The following PLCH1 variants were observed in gnomAD, a reference collection of about 807,000 sequenced individuals.
PLCH1 encodes the protein phospholipase C eta 1, also known as 1-phosphatidylinositol 4,5-bisphosphate phosphodiesterase eta-1.
In PLCH1, 60 loss-of-function variants were observed where a neutral mutation model predicts 126.7. The ratio of observed to expected loss-of-function variants is 0.47; its 90% CI spans 0.38 to 0.59. The LOEUF is 0.59. Among genes scored for constraint, PLCH1 ranks in the 20% least tolerant of loss-of-function variants. The probability of loss-of-function intolerance (pLI) is 0.00; values close to 1 mark genes in which losing one functional copy is unlikely to be tolerated. For synonymous variants in PLCH1, 719 were observed against 734.9 expected, an observed-to-expected ratio of 0.98 and a Z score of 0.35; for missense variants, 1,723 against 2,040.0, an observed-to-expected ratio of 0.84 and a Z score of 2.99.
chr3:155,669,743 A>G (rs1743207725), intron 2 of PLCH1, among the ~76,000 whole-genome samples: 1 of 152,190 alleles, frequency 6.6e-6, no homozygotes. Flanking sequence ...AAAAATACTC[A>G]TGGTGTGAGA....
chr3:155,625,749 G>T (rs1400966003), intron 2 of PLCH1, among the ~76,000 whole-genome samples: 1 of 152,206 alleles, frequency 6.6e-6, no homozygotes, highest in African/African-American at 2.4e-5. Context: ...GAGAGGATGT[G>T]GAGAAATAGG....
intron 10 of PLCH1, among the ~76,000 whole-genome samples, chr3:155,527,825 C>G (rs4679749): frequency 0.19 from 28,216 of 150,512 alleles, 3,237 homozygotes; most frequent in African/African-American, 0.33. Flanking sequence ...GAGGCTGAGG[C>G]AGGAGAATCG....
At chr3:155,614,941 A>G (rs1035964806) in intron 2 of PLCH1, among the ~76,000 whole-genome samples, 1 of 152,180 alleles carries the variant, frequency 6.6e-6, no homozygotes, top group African/African-American at 2.4e-5. Flanking sequence ...GATGGGACCT[A>G]ACTAAACTAA....
At chr3:155,653,110 T>C (rs1370066988) in intron 2 of PLCH1, among the ~76,000 whole-genome samples, 1 of 149,328 alleles carries the variant, frequency 6.7e-6, no homozygotes, top group Non-Finnish European at 1.5e-5. Flanking sequence ...GATACAGATA[T>C]AGATGTAGAT....
At chr3:155,660,462 T>C (rs924254106) in intron 2 of PLCH1, among the ~76,000 whole-genome samples, 6 of 152,228 alleles carry the variant, frequency 3.9e-5, no homozygotes, top group Admixed American at 6.5e-5. Context: ...TGGTGGTTAG[T>C]ATACCTTAGA....
chr3:155,481,343 C>T lies in PLCH1; in HGVS notation c.4683G>A (p.Gln1561=). 1 of 1,614,250 alleles carries T rather than the reference C, an allele frequency of 6.2e-7. No homozygotes were observed. The highest frequency in any genetic ancestry group is 1.3e-5 in the African/African-American group (1 of 75,066). The change falls in exon 23 of 23, where the codon CAG becomes CAA. Residue 1561 remains glutamine (Q), a synonymous_variant. Transcript: ENST00000460012. The surrounding 1 kb of genome is among the most constrained non-coding windows in gnomAD (Gnocchi z 4.2). ...QVLYSKQDAN[Q]LPRALVRKLS... ...ACTTCCTGACCAGTGCCCGGGGGAG[C>T]TGATTGGCATCCTGCTTTGAATATA...
chr3:155,739,544 G>C (rs1489194219), intron 1 of PLCH1, among the ~76,000 whole-genome samples: 1 of 152,198 alleles, frequency 6.6e-6, no homozygotes, highest in Non-Finnish European at 1.5e-5. Context: ...TCCATGTAGG[G>C]AATGCAGTTT....
At chr3:155,595,370 C>G (rs997377169) in intron 3 of PLCH1, among the ~76,000 whole-genome samples, 2 of 152,202 alleles carry the variant, frequency 1.3e-5, no homozygotes, top group Non-Finnish European at 2.9e-5. Flanking sequence ...TATTTATATA[C>G]ACCATCTACC....
intron 1 of PLCH1, among the ~76,000 whole-genome samples, chr3:155,723,749 T>A (rs996110315): frequency 1.5e-4 from 23 of 151,856 alleles, no homozygotes; most frequent in African/African-American, 5.3e-4. Context: ...AGGTCAGGAG[T>A]TTGAGACCAG....
intron 21 of PLCH1, among the ~76,000 whole-genome samples, chr3:155,474,439 G>A (rs1431356443): frequency 6.8e-6 from 1 of 147,588 alleles, no homozygotes; most frequent in Non-Finnish European, 1.5e-5. Flanking sequence ...AGGTGCTGGA[G>A]AGGATGTGGA....
chr3:155,482,967 G>T lies in PLCH1; in HGVS notation c.3059C>A (p.Ser1020Tyr). 6.2e-7 allele frequency: 1 copy of T among 1,613,930 alleles called. No homozygotes were observed. The highest frequency in any genetic ancestry group is 8.5e-7 in the Non-Finnish European group (1 of 1,179,794). Residue 1020 changes from serine to tyrosine, a missense_variant, in exon 23 of 23, where the codon TCC (serine) becomes TAC (tyrosine). By Grantham distance (144) the Ser-to-Tyr change is moderately radical (BLOSUM62 -2). Around this residue, in one of 2 missense-constraint regions of PLCH1, gnomAD observed 947 missense variants for 977.1 expected, o/e 0.97. Coordinates refer to ENST00000460012, the MANE Select transcript of PLCH1 (RefSeq NM_014996.4). ...FLNFNKKLSS[S>Y]SSALLHKDTS... ...ATCTTTGTGGAGCAGAGCACTGGAG[G>T]AGGATGATAACTTTTTGTTGAAATT...
At chr3:155,573,751 A>T (rs1037998735) in intron 6 of PLCH1, among the ~76,000 whole-genome samples, 2 of 152,252 alleles carry the variant, frequency 1.3e-5, no homozygotes, top group Non-Finnish European at 2.9e-5. Context: ...AGATTGAAGA[A>T]GCAGGAAAAT....
intron 2 of PLCH1, among the ~76,000 whole-genome samples, chr3:155,613,383 T>C (rs148073979): frequency 4.7e-4 from 72 of 152,000 alleles, no homozygotes; most frequent in African/African-American, 1.6e-3. Context: ...CTCTGAAGAA[T>C]ATAGATGCAA....
intron 10 of PLCH1, among the ~76,000 whole-genome samples, chr3:155,532,747 G>C (rs1722863325): frequency 6.6e-6 from 1 of 152,198 alleles, no homozygotes; most frequent in African/African-American, 2.4e-5. Context: ...CTGAGAAACT[G>C]TGAGTCAATT....
At chr3:155,594,306 C>T in intron 3 of PLCH1, 122 bp from the exon 4 acceptor site, 1 of 922,228 alleles carries the variant, frequency 1.1e-6, no homozygotes, top group Non-Finnish European at 1.6e-6. Flanking sequence ...GCTGGGTGCT[C>T]ACGCTTGTAA....
In PLCH1 at chr3:155,561,002, C is replaced by T. The variant is rs1442549425; in HGVS notation, c.1069+3913G>A. On this transcript the variant is annotated intron_variant, in intron 8 of 22. Coordinates refer to ENST00000460012, the MANE Select transcript of PLCH1 (RefSeq NM_014996.4). ...TATAAACCAAAAGGCATTATCTATG[C>T]CTTTACTGCTACTTTTAAATGATTG... Among the ~76,000 whole-genome samples, 6 of 152,190 alleles carry T rather than the reference C, an allele frequency of 3.9e-5. No individual in the cohort carries two copies. The East Asian group carries it at 1.2e-3, about 29-fold the overall frequency.
At chr3:155,636,375 A>G (rs1321075727) in intron 2 of PLCH1, among the ~76,000 whole-genome samples, 3 of 152,218 alleles carry the variant, frequency 2.0e-5, no homozygotes, top group Admixed American at 2.0e-4. Flanking sequence ...AGCAAATTTA[A>G]ATCAAGATAT....
At chr3:155,627,765 G>A (rs1488412058) in intron 2 of PLCH1, among the ~76,000 whole-genome samples, 3 of 126,788 alleles carry the variant, frequency 2.4e-5, no homozygotes, top group Non-Finnish European at 4.7e-5. Context: ...AAAAGTTATC[G>A]GAGATTTTTT....
chr3:155,651,712 T>G (rs1311873671), intron 2 of PLCH1, among the ~76,000 whole-genome samples: 1 of 152,222 alleles, frequency 6.6e-6, no homozygotes, highest in African/African-American at 2.4e-5. Context: ...TCTGTTTCAA[T>G]ATGAAGTTAC....
Sources: allele counts gnomAD v4.1 joint callset (sites outside exome capture counted in the v4.1 genomes callset), GRCh38; gene constraint gnomAD v4.1.1; regional missense constraint gnomAD v4.1.1; non-coding constraint Gnocchi (gnomAD v3.1); transcripts MANE v1.5; gene names NCBI Gene and HGNC (gene_info 2026-07-23, HGNC 2026-07-21).